Variants in LPIN1 observed in about 807,000 individuals in gnomAD.
The protein encoded by LPIN1 is lipin 1.
Under a neutral mutation model 107.5 loss-of-function variants are expected in LPIN1, and 71 were observed. The ratio of observed to expected loss-of-function variants is 0.66; its 90% CI spans 0.55 to 0.80. The LOEUF (loss-of-function observed/expected upper bound fraction) is 0.80, where lower values mean the gene tolerates loss of function less well. Among genes scored for constraint, LPIN1 ranks in the 30% least tolerant of loss-of-function variants. The pLI is 0.00. For missense variants in LPIN1, 1,043 were observed against 1,160.6 expected (o/e 0.90, Z 1.47); for synonymous variants, 445 against 452.6 (o/e 0.98, Z 0.21).
rs1213618253 is a variant in LPIN1, at chr2:11,707,469, C to T, written c.82-6287C>T. On this transcript the variant is annotated intron_variant, in intron 1 of 21. Transcript: ENST00000449576. This position sits in a 1 kb window ranked among gnomAD's most constrained non-coding sequence, Gnocchi z 4.2. ...CTGTAGGGCCCTGGAATTTACTGAG[C>T]AGACCGGGGAGCACGGGAAGTTTTG... 6.6e-6 allele frequency among the ~76,000 whole-genome samples: 1 copy of T among 152,206 alleles called. No individual in the cohort carries two copies. The highest frequency in any genetic ancestry group is 1.5e-5 in the Non-Finnish European group (1 of 68,036).
chr2:11,728,199 G>A (rs899133298), intron 1 of LPIN1, among the ~76,000 whole-genome samples: 2 of 152,070 alleles, frequency 1.3e-5, no homozygotes, highest in African/African-American at 4.8e-5. Flanking sequence ...TGTGAGTTTG[G>A]ACCAATGCAT....
intron 14 of LPIN1, 146 bp downstream of exon 14, chr2:11,795,633 A>G: frequency 1.0e-5 from 8 of 790,756 alleles, no homozygotes. Flanking sequence ...AATTTATTTA[A>G]CTTGGTTCTC....
At chr2:11,724,757 T>C in intron 1 of LPIN1, 1 of 444,880 alleles carries the variant, frequency 2.2e-6, no homozygotes, top group Non-Finnish European at 3.0e-6. Context: ...AAGGGGGCAG[T>C]GACTGGAATT....
At chr2:11,782,557 C>A in intron 8 of LPIN1, 50 bp downstream of exon 8, 7 of 1,603,856 alleles carry the variant, frequency 4.4e-6, no homozygotes, top group South Asian at 1.1e-5. Context: ...AGTTTGTGCT[C>A]ACTCTACACA....
chr2:11,766,710 A>G (rs530374605), intron 2 of LPIN1, among the ~76,000 whole-genome samples: 1 of 152,330 alleles, frequency 6.6e-6, no homozygotes, highest in Non-Finnish European at 1.5e-5. Flanking sequence ...CCCTCAGGGC[A>G]CATTCTCCCT....
Position 11,774,932 on chromosome 2 carries a change from T to G in LPIN1, c.723-1154T>G, listed in dbSNP as rs1672422538. Among the ~76,000 whole-genome samples, 1 of 151,590 alleles carries G rather than the reference T, an allele frequency of 6.6e-6. No individual in the cohort carries two copies. Among genetic ancestry groups the G allele is most frequent in the South Asian group, 2.1e-4 (1 of 4,800 alleles). On this transcript the variant is annotated intron_variant, in intron 5 of 20. Transcript: ENST00000674199. The surrounding 1 kb of genome is among the most constrained non-coding windows in gnomAD (Gnocchi z 4.4). ...CGTAATAACTAGCTCCATATGTAAT[T>G]TTAAGATTTCCAGTAGCCCTATTTT...
At chr2:11,781,367 T>C (rs955947513) in intron 7 of LPIN1, among the ~76,000 whole-genome samples, 1 of 152,258 alleles carries the variant, frequency 6.6e-6, no homozygotes, top group Non-Finnish European at 1.5e-5. Flanking sequence ...ATCCATCACT[T>C]CTTCTGGCAA....
chr2:11,806,393 C>T (rs1440424220), intron 17 of LPIN1, among the ~76,000 whole-genome samples: 1 of 152,068 alleles, frequency 6.6e-6, no homozygotes, highest in Non-Finnish European at 1.5e-5. Context: ...CTTTATGATC[C>T]AGTAGAAAAA....
At chr2:11,699,479 C>T (rs1234753188) in intron 1 of LPIN1, among the ~76,000 whole-genome samples, 1 of 151,934 alleles carries the variant, frequency 6.6e-6, no homozygotes, top group Non-Finnish European at 1.5e-5. Flanking sequence ...AGGGAGGAAA[C>T]AGACACCAGA....
chr2:11,690,529 C>T (rs543922974), intron 1 of LPIN1, among the ~76,000 whole-genome samples: 1 of 152,304 alleles, frequency 6.6e-6, no homozygotes, highest in East Asian at 1.9e-4. Context: ...TCTCAAACAT[C>T]TTTTCAACAA....
chr2:11,755,259 G>T (rs1668488709), intron 1 of LPIN1, among the ~76,000 whole-genome samples: 1 of 152,122 alleles, frequency 6.6e-6, no homozygotes, highest in Non-Finnish European at 1.5e-5. Context: ...GAGCCACCGC[G>T]CCCGGCCATT....
chr2:11,772,196 C>T (rs62113354), intron 4 of LPIN1, among the ~76,000 whole-genome samples: 21,838 of 152,230 alleles, frequency 0.14, 1,843 homozygotes, highest in Middle Eastern at 0.2. Context: ...GGAGCGACTG[C>T]AAACACAGAT....
chr2:11,713,693 C>T, intron 1 of LPIN1: 1 of 975,946 alleles, frequency 1.0e-6, no homozygotes, highest in Non-Finnish European at 1.5e-6. Flanking sequence ...GTTATGCAAC[C>T]ATTACCACCA....
At chr2:11,728,613 T>C (rs1039398448) in intron 1 of LPIN1, among the ~76,000 whole-genome samples, 7 of 152,210 alleles carry the variant, frequency 4.6e-5, no homozygotes, top group African/African-American at 1.4e-4. Flanking sequence ...CTTGAACTCC[T>C]GAGCTCAAGC....
intron 1 of LPIN1, among the ~76,000 whole-genome samples, chr2:11,703,983 G>T (rs1214868836): frequency 6.6e-6 from 1 of 152,188 alleles, no homozygotes; most frequent in African/African-American, 2.4e-5. Flanking sequence ...TGACCTGACT[G>T]CTGCCTTGGT....
intron 1 of LPIN1, among the ~76,000 whole-genome samples, chr2:11,737,430 C>T (rs1354187068): frequency 6.6e-6 from 1 of 152,144 alleles, no homozygotes; most frequent in Non-Finnish European, 1.5e-5. Context: ...AAGAAACTAG[C>T]ATCAGAGTGA....
upstream of LPIN1, chr2:11,721,780 A>G (rs1572399838): frequency 6.6e-6 from 1 of 152,434 alleles, no homozygotes; most frequent in African/African-American, 2.4e-5. Context: ...CTCATGGGAC[A>G]GAAGCCCTGG....
At position 11,688,026 on chromosome 2, in the gene LPIN1, G is replaced by T. The variant is rs1342248448; in HGVS notation, c.81+10298G>T. On this transcript the variant is annotated intron_variant, in intron 1 of 21. Transcript: ENST00000449576. ...CCTTGTTGAAATTTGTCCACCCAGA[G>T]GTCCTCTTTGTTAATTCTGCCTGGA... is the stretch of plus-strand genomic sequence containing the variant. Among the ~76,000 whole-genome samples the T allele has an allele frequency of 2.6e-5, 4 of 152,240 alleles. No homozygotes were observed. The East Asian group carries it at 7.7e-4, about 29-fold the overall frequency.
intron 1 of LPIN1, among the ~76,000 whole-genome samples, chr2:11,687,572 T>C (rs1344643741): frequency 6.6e-6 from 1 of 152,182 alleles, no homozygotes; most frequent in African/African-American, 2.4e-5. Context: ...GAGAATTGCA[T>C]TTAGTAGGAG....
Sources: allele counts gnomAD v4.1 joint callset (sites outside exome capture counted in the v4.1 genomes callset), GRCh38; gene constraint gnomAD v4.1.1; non-coding constraint Gnocchi (gnomAD v3.1); transcripts MANE v1.5; gene names NCBI Gene and HGNC (gene_info 2026-07-23, HGNC 2026-07-21).